PTPN4: variants seen among roughly 807,000 people sequenced by gnomAD.
The protein encoded by PTPN4 is tyrosine-protein phosphatase non-receptor type 4.
In PTPN4, 49 loss-of-function variants were observed where a neutral mutation model predicts 135.5. The ratio of observed to expected loss-of-function variants is 0.36; its 90% CI spans 0.29 to 0.46. The LOEUF (loss-of-function observed/expected upper bound fraction) is 0.46, where lower values mean the gene tolerates loss of function less well. Ranked by LOEUF, PTPN4 falls within the 20% of genes least tolerant of loss-of-function variation. The pLI, the probability that PTPN4 is intolerant of heterozygous loss-of-function variation, is 1.00. For missense variants in PTPN4, 860 were observed against 1,101.0 expected, an observed-to-expected ratio of 0.78 and a Z score of 3.10; for synonymous variants, 333 against 369.9, an observed-to-expected ratio of 0.90 and a Z score of 1.14.
chr2:119,887,764 GT>G (rs1415282596), intron 9 of PTPN4, among the ~76,000 whole-genome samples: 1 of 152,146 alleles, frequency 6.6e-6, no homozygotes, highest in African/African-American at 2.4e-5. Flanking sequence ...GTACCATGCT[GT>G]TTTGGTTACT....
At chr2:119,955,008 A>G (rs1331832094) in intron 19 of PTPN4, 149 bp from the exon 20 acceptor site, 2 of 671,764 alleles carry the variant, frequency 3.0e-6, no homozygotes, top group Non-Finnish European at 4.7e-6. Context: ...CTGTCCCCCC[A>G]TAGTGACACC....
intron 1 of PTPN4, among the ~76,000 whole-genome samples, chr2:119,805,020 TCA>T: frequency 7.1e-6 from 1 of 141,634 alleles, no homozygotes; most frequent in Non-Finnish European, 1.6e-5. Flanking sequence ...TGCATTCTGG[TCA>T]TCTCTGATGA....
intron 14 of PTPN4, among the ~76,000 whole-genome samples, chr2:119,933,861 A>AT (rs1405131126): frequency 2.0e-5 from 3 of 152,028 alleles, no homozygotes; most frequent in African/African-American, 7.2e-5. Context: ...TGCTTTTATC[A>AT]TTTTTTCTTA....
chr2:119,884,784 A>G (rs905310413), intron 8 of PTPN4, among the ~76,000 whole-genome samples: 11 of 152,198 alleles, frequency 7.2e-5, no homozygotes, highest in Non-Finnish European at 1.3e-4. Context: ...ATTTAATTTT[A>G]TAGAAATTGG....
intron 1 of PTPN4, among the ~76,000 whole-genome samples, chr2:119,773,826 C>A (rs893094860): frequency 2.6e-5 from 4 of 151,666 alleles, no homozygotes; most frequent in Admixed American, 2.0e-4. Flanking sequence ...CATTTACTAC[C>A]ATAAAATATA....
intron 22 of PTPN4, among the ~76,000 whole-genome samples, chr2:119,958,851 T>G (rs1679326269): frequency 6.6e-6 from 1 of 152,250 alleles, no homozygotes; most frequent in East Asian, 1.9e-4. Context: ...CACACATATT[T>G]TCTCCATGAG....
intron 2 of PTPN4, among the ~76,000 whole-genome samples, chr2:119,836,111 T>C (rs1677287995): frequency 1.3e-5 from 2 of 151,202 alleles, no homozygotes; most frequent in African/African-American, 2.4e-5. Context: ...ACCTCAGAGA[T>C]CACTATACTA....
chr2:119,931,432 TC>T (rs1678904741), intron 13 of PTPN4, among the ~76,000 whole-genome samples: 1 of 146,514 alleles, frequency 6.8e-6, no homozygotes, highest in Admixed American at 6.8e-5. Context: ...TTTCTTTCTT[TC>T]TTTTTTTTTT....
chr2:119,838,860 T>C (rs867742380), intron 2 of PTPN4, among the ~76,000 whole-genome samples: 52 of 152,248 alleles, frequency 3.4e-4, no homozygotes, highest in African/African-American at 1.2e-3. Flanking sequence ...TAACCAAATA[T>C]GTATTGATTG....
In PTPN4 at chr2:119,915,256, T is replaced by C; in HGVS notation, c.828+14T>C. On this transcript the variant is annotated intron_variant, in intron 11 of 26. Transcript: ENST00000263708. ...AGAAAAGAATTGGTGAGTACGGATT[T>C]AATAATTATTGACATAAATGAAGCC... 6.7e-7 allele frequency: 1 copy of C among 1,500,892 alleles called. No individual in the cohort carries two copies. Among genetic ancestry groups the C allele is most frequent in the East Asian group, 2.5e-5 (1 of 39,478 alleles). The allele number at this position is 1,500,892 out of a possible 1,614,324, so 93.0% of individuals were successfully genotyped here. A position where few individuals can be genotyped will look rare whatever the true frequency, so the allele number is the denominator to read the frequency against.
chr2:119,909,900 G>A (rs1678543725), intron 10 of PTPN4, among the ~76,000 whole-genome samples: 1 of 152,112 alleles, frequency 6.6e-6, no homozygotes, highest in African/African-American at 2.4e-5. Flanking sequence ...TGAAGATGGG[G>A]TAGGGGATGA....
intron 1 of PTPN4, among the ~76,000 whole-genome samples, chr2:119,806,937 C>T (rs1320654324): frequency 6.6e-6 from 1 of 152,208 alleles, no homozygotes; most frequent in Non-Finnish European, 1.5e-5. Context: ...CACAAAACCA[C>T]ACAACTACAT....
intron 9 of PTPN4, among the ~76,000 whole-genome samples, chr2:119,899,804 CTG>C (rs1303292175): frequency 2.0e-5 from 3 of 152,078 alleles, no homozygotes; most frequent in African/African-American, 7.2e-5. Flanking sequence ...TTAATATACA[CTG>C]TTGCATTTGA....
Position 119,977,136 on chromosome 2 carries a change from G to C in PTPN4, c.*66G>C. The C allele has an allele frequency of 1.4e-6, 2 of 1,452,634 alleles. No homozygotes were observed. The highest frequency in any genetic ancestry group is 1.8e-6 in the Non-Finnish European group (2 of 1,102,862). The allele number at this position is 1,452,634 out of a possible 1,614,324, so 90.0% of individuals were successfully genotyped here. On this transcript the variant is annotated 3_prime_UTR_variant, in exon 27 of 27. Coordinates refer to ENST00000263708, the MANE Select transcript of PTPN4 (RefSeq NM_002830.4). ...TCCCTTATGTTCACTGTGCCATAAT[G>C]CTGCTCGCAGGAAATGGCATTTTAC...
At chr2:119,946,235 A>T in intron 16 of PTPN4, 106 bp from the exon 17 acceptor site, 1 of 844,328 alleles carries the variant, frequency 1.2e-6, no homozygotes, top group South Asian at 2.2e-5. Context: ...ATGATTTTTT[A>T]CAAACTATGC....
At chr2:119,840,063 C>T (rs1483531184) in intron 2 of PTPN4, among the ~76,000 whole-genome samples, 22 of 152,124 alleles carry the variant, frequency 1.4e-4, no homozygotes, top group Admixed American at 1.2e-3. Context: ...AATCTTCTTG[C>T]ATTTTTCTTC....
intron 26 of PTPN4, 54 bp from the exon 27 acceptor site, chr2:119,976,930 G>A: frequency 1.3e-6 from 2 of 1,563,320 alleles, no homozygotes; most frequent in Non-Finnish European, 8.6e-7. Flanking sequence ...GGGGGAGAGG[G>A]GACGGTTTTC....
rs1373091854 is a variant in PTPN4, at chr2:119,982,448, G to A, written c.*5378G>A. The A allele has an allele frequency of 7.8e-6, 1 of 128,438 alleles. No homozygotes were observed. Among genetic ancestry groups the A allele is most frequent in the South Asian group, 2.8e-4 (1 of 3,588 alleles). 8.0% of individuals were successfully genotyped at this position (128,438 alleles called of 1,614,324 possible). ...AAAGGGAAGAGTATTACACTTCATT[G>A]TACAAAATGTAATTTTAGAAGAAAA... On this transcript the variant is annotated 3_prime_UTR_variant, in exon 27 of 27. Transcript: ENST00000263708.
At chr2:119,827,468 C>G (rs1379777379) in intron 2 of PTPN4, among the ~76,000 whole-genome samples, 2 of 152,218 alleles carry the variant, frequency 1.3e-5, no homozygotes, top group African/African-American at 4.8e-5. Flanking sequence ...ACAAAAACTT[C>G]TTCCCATTCT....
Sources: allele counts gnomAD v4.1 joint callset (sites outside exome capture counted in the v4.1 genomes callset), GRCh38; gene constraint gnomAD v4.1.1; transcripts MANE v1.5; gene names NCBI Gene and HGNC (gene_info 2026-07-23, HGNC 2026-07-21).